FNDC7: variants seen among roughly 807,000 people sequenced by gnomAD.
FNDC7 encodes the protein fibronectin type III domain containing 7.
Under a neutral mutation model 74.2 loss-of-function variants are expected in FNDC7, and 66 were observed. That is an observed-to-expected ratio of 0.89 (90% CI 0.73 to 1.09). The LOEUF is 1.09. Ranked by LOEUF, FNDC7 falls within the 50% of genes least tolerant of loss-of-function variation. The pLI is 0.00. For synonymous variants in FNDC7, 307 were observed against 330.2 expected (o/e 0.93, Z 0.76); for missense variants, 829 against 893.4 (o/e 0.93, Z 0.92).
At chr1:108,739,574 T>C (rs1183566199) in intron 11 of FNDC7, among the ~76,000 whole-genome samples, 4 of 152,218 alleles carry the variant, frequency 2.6e-5, no homozygotes, top group Admixed American at 2.6e-4. Flanking sequence ...CCCCAGGTGA[T>C]TCGTGCATGT....
At chr1:108,736,656 G>T (rs562376946) in intron 10 of FNDC7, among the ~76,000 whole-genome samples, 3 of 152,172 alleles carry the variant, frequency 2.0e-5, no homozygotes, top group Non-Finnish European at 4.4e-5. Flanking sequence ...TTGTGAGTTA[G>T]AACTCAAGTT....
chr1:108,713,164 T>C (rs1570720830), intron 1 of FNDC7, among the ~76,000 whole-genome samples, 168 bp downstream of exon 1: 2 of 152,258 alleles, frequency 1.3e-5, no homozygotes, highest in Middle Eastern at 3.4e-3. Flanking sequence ...TTTAATGCCA[T>C]ATACTAGAGA....
In FNDC7 at chr1:108,725,897, C is replaced by G. The variant is rs373041617; in HGVS notation, c.1004C>G (p.Thr335Ser). 3.7e-6 allele frequency: 6 copies of G among 1,613,998 alleles called. No homozygotes were observed. In the African/African-American group the frequency reaches 6.7e-5, roughly 18 times the overall value. Residue 335 changes from threonine to serine, a missense_variant, in exon 6 of 13, where the codon ACT (threonine) becomes AGT (serine). Transcript: ENST00000370017. ...GAAGTACACTGCAACACATCTCTCA[C>G]TCAGTGCAACTTCTTATCTGAGTGT... ...GLEVHCNTSL[T>S]QCNFLSECGF...
At chr1:108,735,381 T>C (rs1055008290) in intron 10 of FNDC7, among the ~76,000 whole-genome samples, 13 of 152,230 alleles carry the variant, frequency 8.5e-5, no homozygotes, top group Admixed American at 7.9e-4. Flanking sequence ...GTTACTTTTA[T>C]GCTGCCACAT....
intron 7 of FNDC7, 145 bp downstream of exon 7, chr1:108,728,210 C>A: frequency 9.3e-7 from 1 of 1,072,388 alleles, no homozygotes; most frequent in Non-Finnish European, 1.3e-6. Flanking sequence ...CCCCGTTGTA[C>A]GAAGGAGAGG....
Position 108,718,873 on chromosome 1 carries a change from C to T in FNDC7, c.422C>T (p.Ala141Val), listed in dbSNP as rs1167722800. The change falls in exon 4 of 13, where the codon GCA becomes GTA. Residue 141 changes from alanine to valine, a missense_variant. By Grantham distance (64) the Ala-to-Val change is moderately conservative (BLOSUM62 0). Transcript: ENST00000370017. ...TGGGAAGCTGTATATATGGCAATTG[C>T]ATTCTCCGTGTCCATTATGCGAGCC... ...VQWEAVYMAIAFSVSIMRANG... is the reference protein window; with the variant it reads ...VQWEAVYMAIVFSVSIMRANG... The T allele has an allele frequency of 1.3e-6, 2 of 1,551,724 alleles. No homozygotes were observed. Among genetic ancestry groups the T allele is most frequent in the Non-Finnish European group, 1.7e-6 (2 of 1,147,006 alleles).
chr1:108,729,864 T>C, intron 8 of FNDC7, among the ~76,000 whole-genome samples: 1 of 152,146 alleles, frequency 6.6e-6, no homozygotes, highest in East Asian at 1.9e-4. Flanking sequence ...CCATACAAAA[T>C]ACTGCATACG....
At chr1:108,732,928 C>A (rs942503551) in intron 9 of FNDC7, among the ~76,000 whole-genome samples, 9 of 151,248 alleles carry the variant, frequency 6.0e-5, no homozygotes, top group Non-Finnish European at 1.3e-4. Context: ...ACCACCACAA[C>A]TGGCTAATTT....
Position 108,712,924 on chromosome 1 carries a change from G to A in FNDC7, c.-10G>A. 1 of 1,551,560 alleles carries A rather than the reference G, an allele frequency of 6.4e-7. No homozygotes were observed. The highest frequency in any genetic ancestry group is 8.7e-7 in the Non-Finnish European group (1 of 1,146,882). ...TTGTTTTGTGCCATGTGAGTACTATGTCCAACAGGATGGCTGGTGGACGAG... is the reference window on the plus strand; with the variant it reads ...TTGTTTTGTGCCATGTGAGTACTATATCCAACAGGATGGCTGGTGGACGAG... On this transcript the variant is annotated 5_prime_UTR_variant, in exon 1 of 13. An upstream start codon of the reference 5' UTR is lost. Coordinates refer to ENST00000370017, the MANE Select transcript of FNDC7 (RefSeq NM_001144937.3).
chr1:108,723,559 A>G (rs1260735895), intron 5 of FNDC7, among the ~76,000 whole-genome samples: 1 of 152,348 alleles, frequency 6.6e-6, no homozygotes, highest in Non-Finnish European at 1.5e-5. Flanking sequence ...AAGGTCAATG[A>G]TAACAAACTT....
Position 108,727,929 on chromosome 1 carries a change from G to A in FNDC7, c.1233G>A (p.Met411Ile). The change falls in exon 7 of 13, where the codon ATG becomes ATA. Residue 411 changes from methionine to isoleucine, a missense_variant. Physicochemically the swap from Met to Ile is conservative, Grantham distance 10 (BLOSUM62 1). Transcript: ENST00000370017. Reference protein sequence around the residue: ...YETKAVDGYNMVECNDTTPAC... With the variant: ...YETKAVDGYNIVECNDTTPAC... ...CCAAGGCTGTAGATGGGTACAACATGGTTGAGTGCAATGACACTACTCCTG... is the reference window on the plus strand; with the variant it reads ...CCAAGGCTGTAGATGGGTACAACATAGTTGAGTGCAATGACACTACTCCTG... 1 of 1,614,188 alleles carries A rather than the reference G, an allele frequency of 6.2e-7. No individual in the cohort carries two copies. The highest frequency in any genetic ancestry group is 8.5e-7 in the Non-Finnish European group (1 of 1,180,028).
At chr1:108,716,575 C>T (rs1027096114) in intron 2 of FNDC7, among the ~76,000 whole-genome samples, 2 of 152,038 alleles carry the variant, frequency 1.3e-5, no homozygotes, top group African/African-American at 4.8e-5. Flanking sequence ...AATGTCTGGC[C>T]AGGGCACAGA....
At chr1:108,735,424 C>T (rs769870958) in intron 10 of FNDC7, among the ~76,000 whole-genome samples, 8 of 152,200 alleles carry the variant, frequency 5.3e-5, no homozygotes, top group Non-Finnish European at 8.8e-5. Context: ...CATAAGATAA[C>T]ATTCAATCCT....
At chr1:108,716,320 GGTGTGTGTGTGTGTGTGTGTGTGTGTGT>G (rs141850435) in intron 2 of FNDC7, among the ~76,000 whole-genome samples, 1 of 95,692 alleles carries the variant, frequency 1.0e-5, no homozygotes, top group Non-Finnish European at 2.2e-5. Flanking sequence ...GCAGAAGAGA[GGTGTGTGTGTGTGTGTGTGTGTGTGTGT>G]GTGTGTGTGT....
intron 10 of FNDC7, chr1:108,734,569 A>G (rs1661467513): frequency 6.6e-6 from 1 of 152,204 alleles, no homozygotes; most frequent in South Asian, 2.1e-4. Context: ...TAAAATTTTG[A>G]ATGATATGTA....
intron 4 of FNDC7, among the ~76,000 whole-genome samples, chr1:108,719,767 AG>A (rs1661057600): frequency 6.6e-6 from 1 of 151,688 alleles, no homozygotes; most frequent in Non-Finnish European, 1.5e-5. Flanking sequence ...AGAGAGAGAG[AG>A]AGAGAGAGAA....
At chr1:108,739,237 C>T (rs1227680004) in intron 11 of FNDC7, among the ~76,000 whole-genome samples, 1 of 152,100 alleles carries the variant, frequency 6.6e-6, no homozygotes, top group South Asian at 2.1e-4. Context: ...TGGTGGCTCA[C>T]GCCTGTAATC....
Position 108,722,541 on chromosome 1 carries a change from A to C in FNDC7, c.805A>C (p.Ser269Arg). Reference sequence around the variant, plus strand: ...TGAATACTTGATTTCAGTTTTAGCAAGTAATGATGCTGGATCTAGCAAATC... The same window carrying C: ...TGAATACTTGATTTCAGTTTTAGCACGTAATGATGCTGGATCTAGCAAATC... ...GTEYLISVLA[S>R]NDAGSSKSSS... is the part of the protein sequence containing the mutation. Residue 269 changes from serine to arginine, a missense_variant, in exon 5 of 13, where the codon AGT (serine) becomes CGT (arginine). Transcript: ENST00000370017. The C allele has an allele frequency of 1.2e-6, 2 of 1,614,226 alleles. No homozygotes were observed. The highest frequency in any genetic ancestry group is 8.5e-7 in the Non-Finnish European group (1 of 1,180,024).
At chr1:108,736,963 C>CTTTTTTTTT (rs1173562405) in intron 10 of FNDC7, among the ~76,000 whole-genome samples, 79 of 99,412 alleles carry the variant, frequency 7.9e-4, no homozygotes, top group Non-Finnish European at 9.1e-4. Context: ...GCTTGGCATT[C>CTTTTTTTTT]TTTTTTTTTT....
Sources: allele counts gnomAD v4.1 joint callset (sites outside exome capture counted in the v4.1 genomes callset), GRCh38; gene constraint gnomAD v4.1.1; transcripts MANE v1.5; gene names NCBI Gene and HGNC (gene_info 2026-07-23, HGNC 2026-07-21).